EBF3: variants seen among roughly 807,000 people sequenced by gnomAD.
EBF3 encodes the protein EBF transcription factor 3, also known as transcription factor COE3.
EBF3 carries 18 observed loss-of-function variants against 77.1 expected under a neutral mutation model. That is an observed-to-expected ratio of 0.23 (90% confidence interval 0.16 to 0.35). The LOEUF (loss-of-function observed/expected upper bound fraction) is 0.35, where lower values mean the gene tolerates loss of function less well. EBF3 is among the 10% of genes least tolerant of loss of function. The probability of loss-of-function intolerance (pLI) is 1.00; values close to 1 mark genes in which losing one functional copy is unlikely to be tolerated. For synonymous variants in EBF3, 350 were observed against 343.5 expected (o/e 1.02, Z -0.21); for missense variants, 558 against 860.0 (o/e 0.65, Z 4.39).
chr10:129,946,192 C>T (rs1469025583), intron 6 of EBF3, among the ~76,000 whole-genome samples: 1 of 152,240 alleles, frequency 6.6e-6, no homozygotes, highest in Admixed American at 6.5e-5. Context: ...CGGTCCTGGC[C>T]TCGCGCGGAC....
intron 6 of EBF3, among the ~76,000 whole-genome samples, chr10:129,930,662 T>C (rs868730588): frequency 2.8e-5 from 4 of 144,978 alleles, no homozygotes; most frequent in South Asian, 4.5e-4. Context: ...CTCTCATATA[T>C]CTATATCTAT....
chr10:129,865,632 C>T (rs1851953577), intron 10 of EBF3, among the ~76,000 whole-genome samples: 2 of 152,208 alleles, frequency 1.3e-5, no homozygotes, highest in Non-Finnish European at 1.5e-5. Context: ...CCTGGCCTGC[C>T]ACCAAGACCC....
At chr10:129,875,187 C>CTTCTTTTTTTTTTTTTTT (rs1852672323) in intron 7 of EBF3, among the ~76,000 whole-genome samples, 1 of 92,932 alleles carries the variant, frequency 1.1e-5, no homozygotes, top group African/African-American at 4.1e-5. Flanking sequence ...ATGGCTTCTT[C>CTTCTTTTTTTTTTTTTTT]TTTTTTTTTT....
At chr10:129,837,996 T>G (rs1345508768) in intron 16 of EBF3, 36 bp from the exon 17 acceptor site, 1 of 1,613,436 alleles carries the variant, frequency 6.2e-7, no homozygotes, top group Non-Finnish European at 8.5e-7. Flanking sequence ...TACTGCAGGC[T>G]CCCCCACGCG....
chr10:129,849,665 T>C (rs909025688), intron 10 of EBF3, among the ~76,000 whole-genome samples: 1 of 152,212 alleles, frequency 6.6e-6, no homozygotes, highest in African/African-American at 2.4e-5. Flanking sequence ...CGCCCGAAAG[T>C]TGAGGACCAC....
chr10:129,908,991 T>C (rs1334457642), intron 6 of EBF3, among the ~76,000 whole-genome samples: 1 of 152,248 alleles, frequency 6.6e-6, no homozygotes, highest in African/African-American at 2.4e-5. Context: ...GAGTTAACAA[T>C]GTGGACTTTA....
At chr10:129,880,212 G>A (rs539119381) in intron 6 of EBF3, among the ~76,000 whole-genome samples, 9 of 152,180 alleles carry the variant, frequency 5.9e-5, no homozygotes, top group East Asian at 3.9e-4. Context: ...GGACAAAGTC[G>A]GGTGCTGGAC....
intron 6 of EBF3, among the ~76,000 whole-genome samples, chr10:129,889,320 G>A (rs1853844104): frequency 3.3e-5 from 5 of 152,244 alleles, no homozygotes; most frequent in Admixed American, 3.3e-4. Context: ...GGTCCCGCTT[G>A]TCCCCACTAG....
At chr10:129,877,283 G>C (rs1342772790) in intron 7 of EBF3, among the ~76,000 whole-genome samples, 2 of 152,036 alleles carry the variant, frequency 1.3e-5, no homozygotes, top group Non-Finnish European at 2.9e-5. Context: ...TTGAGGTCAG[G>C]AGCTTGAGAC....
In EBF3 at chr10:129,836,115, G is replaced by C. The variant is rs1359889546; in HGVS notation, c.*1828C>G. On this transcript the variant is annotated 3_prime_UTR_variant, in exon 17 of 17. Transcript: ENST00000440978. ...GAGACGGGTCATGCAGCGGGCTTGTGCTTTTTTGTGTGTGTTTGTGTGTTT... is the reference window on the plus strand; with the variant it reads ...GAGACGGGTCATGCAGCGGGCTTGTCCTTTTTTGTGTGTGTTTGTGTGTTT... The C allele has an allele frequency of 6.6e-6, 1 of 152,600 alleles. No individual in the cohort carries two copies. The highest frequency in any genetic ancestry group is 2.4e-5 in the African/African-American group (1 of 41,426). 9.5% of individuals were successfully genotyped at this position (152,600 alleles called of 1,614,324 possible).
chr10:129,838,888 A>G (rs1242515470), intron 16 of EBF3, among the ~76,000 whole-genome samples, 195 bp downstream of exon 16: 2 of 152,204 alleles, frequency 1.3e-5, no homozygotes, highest in African/African-American at 2.4e-5. Context: ...CACACCGCGT[A>G]GGAGGTGCCG....
At chr10:129,849,719 C>T (rs566097629) in intron 10 of EBF3, among the ~76,000 whole-genome samples, 6 of 152,174 alleles carry the variant, frequency 3.9e-5, no homozygotes, top group Non-Finnish European at 7.4e-5. Context: ...GATAAAGGTC[C>T]GCACAGGAAT....
chr10:129,872,203 G>A (rs1354376511), intron 8 of EBF3, among the ~76,000 whole-genome samples: 1 of 152,170 alleles, frequency 6.6e-6, no homozygotes, highest in African/African-American at 2.4e-5. Context: ...AGGAACTGAG[G>A]ACCGGGGATT....
At chr10:129,887,266 C>A (rs75971315) in intron 6 of EBF3, among the ~76,000 whole-genome samples, 1 of 152,198 alleles carries the variant, frequency 6.6e-6, no homozygotes, top group African/African-American at 2.4e-5. Flanking sequence ...CCAGCCTGAT[C>A]TCCACTATCT....
rs145540598 is a variant in EBF3, at chr10:129,876,693, G to A, written c.636+1075C>T. 4.6e-3 allele frequency among the ~76,000 whole-genome samples: 696 copies of A among 152,284 alleles called. 6 individuals are homozygous for A. The highest frequency in any genetic ancestry group is 0.016 in the African/African-American group (649 of 41,560). On this transcript the variant is annotated intron_variant, in intron 7 of 16. Coordinates refer to ENST00000440978, the MANE Select transcript of EBF3 (RefSeq NM_001375380.1). ...TCTTGGGTCATTCATCCAAGCTAGT[G>A]GTCATTTCCATTAGCCGCCAAATTC... is the stretch of plus-strand genomic sequence containing the variant.
At chr10:129,927,565 C>T (rs772990895) in intron 6 of EBF3, among the ~76,000 whole-genome samples, 1 of 152,178 alleles carries the variant, frequency 6.6e-6, no homozygotes, top group Non-Finnish European at 1.5e-5. Context: ...ACCCTGGCAA[C>T]GACGGGGAGC....
chr10:129,911,546 C>A (rs1437492943), intron 6 of EBF3, among the ~76,000 whole-genome samples: 1 of 152,176 alleles, frequency 6.6e-6, no homozygotes, highest in East Asian at 1.9e-4. Context: ...GGAATAGTGT[C>A]CAAAAGGCCG....
chr10:129,839,729 G>A (rs916429353), intron 15 of EBF3, among the ~76,000 whole-genome samples: 6 of 152,330 alleles, frequency 3.9e-5, no homozygotes, highest in East Asian at 3.9e-4. Flanking sequence ...TCGGGACAAC[G>A]AGGGTAGCAG....
chr10:129,854,460 A>G (rs1413038178), intron 10 of EBF3, among the ~76,000 whole-genome samples: 3 of 151,964 alleles, frequency 2.0e-5, no homozygotes, highest in Non-Finnish European at 2.9e-5. Context: ...ATTTTGTCCG[A>G]CAAAAAAATT....
Sources: allele counts gnomAD v4.1 joint callset (sites outside exome capture counted in the v4.1 genomes callset), GRCh38; gene constraint gnomAD v4.1.1; transcripts MANE v1.5; gene names NCBI Gene and HGNC (gene_info 2026-07-23, HGNC 2026-07-21).